FILIP1L: variants seen among roughly 807,000 people sequenced by gnomAD.
The protein encoded by FILIP1L is filamin A-interacting protein 1-like.
A neutral mutation model predicts 96.6 loss-of-function variants in FILIP1L; 55 were observed. That is an observed-to-expected ratio of 0.57 (90% CI 0.46 to 0.71). The LOEUF (loss-of-function observed/expected upper bound fraction) is 0.71. FILIP1L is among the 30% of genes least tolerant of loss of function. The probability of loss-of-function intolerance (pLI) is 0.00; values close to 1 mark genes in which losing one functional copy is unlikely to be tolerated. For missense variants in FILIP1L, 1,304 were observed against 1,321.2 expected (o/e 0.99, Z 0.20); for synonymous variants, 467 against 473.9 (o/e 0.99, Z 0.19).
chr3:99,945,319 G>T (rs1052995267), intron 1 of FILIP1L, among the ~76,000 whole-genome samples: 2 of 152,180 alleles, frequency 1.3e-5, no homozygotes, highest in Non-Finnish European at 2.9e-5. Flanking sequence ...GGCTTACCCA[G>T]ACTGCTTCCC....
chr3:99,951,315 A>G (rs1236328422), intron 1 of FILIP1L, among the ~76,000 whole-genome samples: 9 of 152,056 alleles, frequency 5.9e-5, no homozygotes, highest in African/African-American at 4.8e-5. Context: ...ACTTACATCT[A>G]TATTATTATC....
chr3:100,062,786 C>G (rs566524181), intron 1 of FILIP1L, among the ~76,000 whole-genome samples: 121 of 152,280 alleles, frequency 7.9e-4, no homozygotes, highest in African/African-American at 2.7e-3. Flanking sequence ...CCTCAGCATT[C>G]GCCCTACACC....
At chr3:100,051,060 T>C (rs1163612169) in intron 1 of FILIP1L, among the ~76,000 whole-genome samples, 1 of 150,936 alleles carries the variant, frequency 6.6e-6, no homozygotes, top group Admixed American at 6.6e-5. Context: ...AAAAGTGATA[T>C]TTTATTAGTA....
Position 99,850,662 on chromosome 3 carries a change from T to G in FILIP1L, c.1014A>C (p.Glu338Asp). 6.2e-7 allele frequency: 1 copy of G among 1,614,168 alleles called. No individual in the cohort carries two copies. The highest frequency in any genetic ancestry group is 8.5e-7 in the Non-Finnish European group (1 of 1,180,034). The change falls in exon 5 of 6, where the codon GAA becomes GAC. Residue 338 changes from glutamate to aspartate, a missense_variant. Transcript: ENST00000477258. Reference protein sequence around the residue: ...AALSRQIDELEETNRSLRKAE... With the variant: ...AALSRQIDELDETNRSLRKAE... ...CTTTTCGTAAAGACCTGTTTGTCTC[T>G]TCTAACTCATCAATCTGCCGGCTGA...
At chr3:100,066,096 C>T (rs1452563435) in intron 1 of FILIP1L, among the ~76,000 whole-genome samples, 12 of 152,190 alleles carry the variant, frequency 7.9e-5, no homozygotes. Flanking sequence ...GGTCTTTACT[C>T]TTTAAGAGAT....
chr3:99,843,547 G>T (rs1244771490), intron 5 of FILIP1L, among the ~76,000 whole-genome samples: 1 of 151,962 alleles, frequency 6.6e-6, no homozygotes, highest in Non-Finnish European at 1.5e-5. Flanking sequence ...CTTATGATGG[G>T]GTTAGAACCA....
chr3:100,027,462 T>C (rs920363083), intron 1 of FILIP1L, among the ~76,000 whole-genome samples: 12 of 152,054 alleles, frequency 7.9e-5, no homozygotes. Context: ...GAAGAATGAG[T>C]GCTTCTCCAG....
intron 1 of FILIP1L, among the ~76,000 whole-genome samples, chr3:100,000,981 C>T (rs752241912): frequency 8.5e-5 from 13 of 152,154 alleles, no homozygotes; most frequent in Non-Finnish European, 1.9e-4. Context: ...ATAAGATAAC[C>T]TAGTTACTGG....
intron 4 of FILIP1L, among the ~76,000 whole-genome samples, chr3:99,912,563 A>C (rs1373752223): frequency 1.3e-5 from 2 of 152,080 alleles, no homozygotes; most frequent in East Asian, 3.9e-4. Flanking sequence ...TTTTTTGTAG[A>C]GATGAAGTTT....
intron 1 of FILIP1L, among the ~76,000 whole-genome samples, chr3:99,986,659 G>C (rs542982310): frequency 3.8e-4 from 58 of 152,300 alleles, no homozygotes; most frequent in African/African-American, 1.3e-3. Context: ...ATGAAGTGGT[G>C]ATGGGTGTGG....
At chr3:99,925,858 G>A in intron 3 of FILIP1L, 1 of 985,442 alleles carries the variant, frequency 1.0e-6, no homozygotes, top group Non-Finnish European at 1.2e-6. Context: ...AGCTCACTGG[G>A]CTGGTTTATC....
In FILIP1L at chr3:99,868,590, C is replaced by G. The variant is rs184900597; in HGVS notation, c.606-17520G>C. 3.9e-3 allele frequency among the ~76,000 whole-genome samples: 599 copies of G among 152,308 alleles called. 9 individuals are homozygous for G. The highest frequency in any genetic ancestry group is 0.013 in the African/African-American group (554 of 41,566). ...AGTGATGTTACTTTAAGCTGCCTTC[C>G]TTTCTGCATAAGTCCAGGTTGTTCT... is the stretch of plus-strand genomic sequence containing the variant. On this transcript the variant is annotated intron_variant, in intron 4 of 5. Coordinates refer to ENST00000477258, the MANE Select transcript of FILIP1L (RefSeq NM_001387850.1).
chr3:100,045,034 T>A (rs1364238346), intron 1 of FILIP1L, among the ~76,000 whole-genome samples: 1 of 152,226 alleles, frequency 6.6e-6, no homozygotes, highest in Non-Finnish European at 1.5e-5. Flanking sequence ...GTTTGGAACA[T>A]GTTTGATCTG....
intron 1 of FILIP1L, among the ~76,000 whole-genome samples, chr3:100,100,687 C>G (rs1207172421): frequency 6.6e-6 from 1 of 152,154 alleles, no homozygotes; most frequent in Non-Finnish European, 1.5e-5. Context: ...ACTATTGACC[C>G]TTGAGGCTTA....
chr3:100,054,229 T>C (rs772454156), intron 1 of FILIP1L, among the ~76,000 whole-genome samples: 9 of 152,168 alleles, frequency 5.9e-5, no homozygotes, highest in Non-Finnish European at 8.8e-5. Flanking sequence ...GACATCACAT[T>C]CCCCCTTCCC....
chr3:100,082,083 G>A (rs1019338932), intron 1 of FILIP1L, among the ~76,000 whole-genome samples: 4 of 152,088 alleles, frequency 2.6e-5, no homozygotes, highest in African/African-American at 9.7e-5. Flanking sequence ...TGAAAATACT[G>A]GCATGTTCCT....
At chr3:100,044,841 G>T (rs2065255030) in intron 1 of FILIP1L, among the ~76,000 whole-genome samples, 3 of 152,294 alleles carry the variant, frequency 2.0e-5, no homozygotes, top group Non-Finnish European at 4.4e-5. Context: ...GTGGTTAATG[G>T]CTCCAAAACA....
intron 4 of FILIP1L, among the ~76,000 whole-genome samples, chr3:99,891,072 A>G (rs2107614501): frequency 6.7e-6 from 1 of 149,180 alleles, no homozygotes; most frequent in African/African-American, 2.5e-5. Flanking sequence ...TTTTTTTTTC[A>G]GACCACCCAG....
chr3:100,033,420 G>GA (rs2065053018), intron 1 of FILIP1L, among the ~76,000 whole-genome samples: 2 of 152,108 alleles, frequency 1.3e-5, no homozygotes. Context: ...AATCCCCTTT[G>GA]AAAATCACAG....
Sources: gnomAD v4.1 joint callset for allele counts (sites outside exome capture counted in the v4.1 genomes callset) on GRCh38, gnomAD v4.1.1 for gene constraint, MANE v1.5 for transcripts, NCBI Gene and HGNC (gene_info 2026-07-23, HGNC 2026-07-21) for gene names.